ABCB4: variants seen among roughly 807,000 people sequenced by gnomAD.
ABCB4 encodes phosphatidylcholine translocator ABCB4.
In ABCB4, 76 loss-of-function variants were observed where a neutral mutation model predicts 145.7. The ratio of observed to expected loss-of-function variants is 0.52; its 90% confidence interval spans 0.43 to 0.63. The LOEUF is 0.63. ABCB4 is among the 30% of genes least tolerant of loss of function. ABCB4 has a pLI of 0.00. For missense variants in ABCB4, 1,234 were observed against 1,553.1 expected, an observed-to-expected ratio of 0.79 and a Z score of 3.45; for synonymous variants, 517 against 566.8, an observed-to-expected ratio of 0.91 and a Z score of 1.25.
At chr7:87,369,512 T>C in the ABCB4 span, 102 of 1,494,832 alleles carry the variant, frequency 6.8e-5, no homozygotes, top group Non-Finnish European at 8.8e-5. Context: ...TTGAGTTTCA[T>C]TAGGTCTTAT....
the ABCB4 span, chr7:87,375,969 C>CT: frequency 9.7e-6 from 14 of 1,436,552 alleles, no homozygotes; most frequent in East Asian, 2.6e-5. Flanking sequence ...TAACTACCTT[C>CT]TCTTTTTTTT....
rs369649919 is a variant in ABCB4 at position 87,475,410 on chromosome 7, C to T, written c.56G>A (p.Gly19Asp). The part of the protein sequence containing the change: ...GTAWRPTSAE[G>D]DFELGISSKQ... ...CCTGCTGATGCCCAGTTCAAAGTCG[C>T]CCTCCGCGCTCGTGGGGCGCCAGGC... The change falls in exon 2 of 28, where the codon GGC becomes GAC. Residue 19 changes from glycine to aspartate, a missense_variant. Transcript: ENST00000649586. 2.5e-6 allele frequency: 4 copies of T among 1,614,246 alleles called. No homozygotes were observed. The highest frequency in any genetic ancestry group is 1.7e-5 in the Admixed American group (1 of 60,038).
intron 27 of ABCB4, among the ~76,000 whole-genome samples, chr7:87,402,766 C>A (rs1807888193): frequency 6.6e-6 from 1 of 152,156 alleles, no homozygotes; most frequent in South Asian, 2.1e-4. Flanking sequence ...CTTTGGGAGG[C>A]CGAGGCAGGC....
rs1395324199 is a variant in ABCB4 at position 87,438,740 on chromosome 7, C to A, written c.1731+927G>T. Among the ~76,000 whole-genome samples the A allele has an allele frequency of 2.6e-5, 4 of 152,094 alleles. No homozygotes were observed. The South Asian group carries it at 8.3e-4, about 32-fold the overall frequency. On this transcript the variant is annotated intron_variant, in intron 14 of 27. Coordinates refer to ENST00000649586, the MANE Select transcript of ABCB4 (RefSeq NM_000443.4). ...CTCCACGCTGGGTGACAGAGCAAGACCCTGTCTTAAAAAACAACAAAAAGA... is the reference window on the plus strand; with the variant it reads ...CTCCACGCTGGGTGACAGAGCAAGAACCTGTCTTAAAAAACAACAAAAAGA...
the ABCB4 span, among the ~76,000 whole-genome samples, chr7:87,372,504 T>A: frequency 6.6e-6 from 1 of 152,240 alleles, no homozygotes; most frequent in Admixed American, 6.5e-5. Context: ...CTTCATGGGC[T>A]GCATTCAGCC....
chr7:87,402,453 T>C (rs1807853840), intron 27 of ABCB4, 151 bp from the exon 28 acceptor site: 1 of 1,002,344 alleles, frequency 1.0e-6, no homozygotes, highest in Non-Finnish European at 1.5e-6. Context: ...TTTTGTATAA[T>C]CAACATTTAA....
intron 3 of ABCB4, among the ~76,000 whole-genome samples, chr7:87,463,703 T>C (rs900322074): frequency 2.4e-4 from 36 of 152,148 alleles, no homozygotes; most frequent in Admixed American, 2.3e-3. Context: ...GAGAGGATGT[T>C]GGAGAGAGAT....
intron 14 of ABCB4, among the ~76,000 whole-genome samples, chr7:87,438,818 G>C (rs1014245620): frequency 1.2e-4 from 19 of 152,164 alleles, no homozygotes; most frequent in African/African-American, 4.1e-4. Flanking sequence ...ACAGTTTACA[G>C]CATAAAAGGG....
intron 17 of ABCB4, chr7:87,423,684 T>C (rs992577575): frequency 3.5e-6 from 2 of 569,344 alleles, no homozygotes; most frequent in South Asian, 2.0e-5. Flanking sequence ...GCCTTCTTCA[T>C]TGATTTTACA....
intron 2 of ABCB4, among the ~76,000 whole-genome samples, chr7:87,473,020 T>C (rs552644389): frequency 1.3e-5 from 2 of 152,380 alleles, no homozygotes; most frequent in African/African-American, 4.8e-5. Flanking sequence ...TCTATTCTTC[T>C]GAAGGATTGT....
intron 25 of ABCB4, among the ~76,000 whole-genome samples, 159 bp downstream of exon 25, chr7:87,407,878 A>G (rs894568414): frequency 2.6e-5 from 4 of 152,168 alleles, no homozygotes; most frequent in African/African-American, 9.7e-5. Flanking sequence ...TTGTCCCCAT[A>G]TATTTCCCAG....
At chr7:87,436,232 T>G (rs541926127) in intron 14 of ABCB4, among the ~76,000 whole-genome samples, 22 of 152,104 alleles carry the variant, frequency 1.4e-4, no homozygotes, top group Middle Eastern at 3.4e-3. Context: ...TCCAATAAAA[T>G]TAGGGCAAAA....
chr7:87,395,840 G>A, the ABCB4 span, among the ~76,000 whole-genome samples: 1 of 152,012 alleles, frequency 6.6e-6, no homozygotes, highest in Non-Finnish European at 1.5e-5. Context: ...GGGTTATAAG[G>A]ACCTTTAAGG....
the ABCB4 span, among the ~76,000 whole-genome samples, chr7:87,378,501 T>TCCC: frequency 6.6e-6 from 1 of 152,218 alleles, no homozygotes; most frequent in Non-Finnish European, 1.5e-5. Flanking sequence ...TCAAATGCTT[T>TCCC]CATTAGAAAT....
At chr7:87,376,296 G>A in the ABCB4 span, among the ~76,000 whole-genome samples, 1 of 152,062 alleles carries the variant, frequency 6.6e-6, no homozygotes, top group Non-Finnish European at 1.5e-5. Flanking sequence ...AAGGTGAAAT[G>A]ATAACCTAAT....
chr7:87,381,259 CG>C, the ABCB4 span, among the ~76,000 whole-genome samples: 1 of 152,064 alleles, frequency 6.6e-6, no homozygotes, highest in South Asian at 2.1e-4. Context: ...GGGGAAAATG[CG>C]GGCAAAAACT....
In ABCB4 at chr7:87,426,878, C is replaced by T. The variant is rs772040808; in HGVS notation, c.1936G>A (p.Asp646Asn). ...GCCATTCTAGTGGCAGCCTTTTCATCATTTAGTTCAAATTCTTCTGACTGG... is the reference window on the plus strand; with the variant it reads ...GCCATTCTAGTGGCAGCCTTTTCATTATTTAGTTCAAATTCTTCTGACTGG... ...QIQSEEFELN[D>N]EKAATRMAPN... is the part of the protein sequence containing the mutation. Residue 646 changes from aspartate to asparagine, a missense_variant, in exon 16 of 28, where the codon GAT becomes AAT. This residue lies in a region of ABCB4 where 321 missense variants were observed against 332.6 expected (regional missense o/e 0.97). Transcript: ENST00000649586. The T allele has an allele frequency of 3.1e-6, 5 of 1,613,448 alleles. No individual in the cohort carries two copies. Among genetic ancestry groups the T allele is most frequent in the South Asian group, 1.1e-5 (1 of 91,066 alleles).
rs914575599 is a variant in ABCB4 at position 87,401,944 on chromosome 7, C to T, written c.*152G>A. The T allele has an allele frequency of 1.3e-5, 14 of 1,038,934 alleles. No individual in the cohort carries two copies. Among genetic ancestry groups the T allele is most frequent in the Middle Eastern group, 2.0e-4 (1 of 4,968 alleles). 64.4% of individuals were successfully genotyped at this position (1,038,934 alleles called of 1,614,324 possible). On this transcript the variant is annotated 3_prime_UTR_variant, in exon 28 of 28. Coordinates refer to ENST00000649586, the MANE Select transcript of ABCB4 (RefSeq NM_000443.4). ...CTTCTAACTCTCAAATTTCAAATGCCGTAATAAACCCCAAATTGGGTCTTC... is the reference window on the plus strand; with the variant it reads ...CTTCTAACTCTCAAATTTCAAATGCTGTAATAAACCCCAAATTGGGTCTTC...
chr7:87,452,899 GT>G (rs778740482), intron 6 of ABCB4, 44 bp downstream of exon 6: 17 of 1,579,006 alleles, frequency 1.1e-5, no homozygotes, highest in Non-Finnish European at 1.4e-5. Flanking sequence ...TTTTCACACA[GT>G]AATTAATTTC....
Sources: allele counts gnomAD v4.1 joint callset (sites outside exome capture counted in the v4.1 genomes callset), GRCh38; gene constraint gnomAD v4.1.1; regional missense constraint gnomAD v4.1.1; transcripts MANE v1.5; gene names NCBI Gene and HGNC (gene_info 2026-07-23, HGNC 2026-07-21).